SLC12A8: variants seen among roughly 807,000 people sequenced by gnomAD.
SLC12A8 encodes the protein solute carrier family 12 member 8.
SLC12A8 carries 69 observed loss-of-function variants against 75.6 expected under a neutral mutation model. The ratio of observed to expected loss-of-function variants is 0.91; its 90% CI spans 0.75 to 1.11. SLC12A8 has a LOEUF of 1.11. Ranked by LOEUF, SLC12A8 falls within the 50% of genes most tolerant of loss-of-function variation. SLC12A8 has a pLI of 0.00. For missense variants in SLC12A8, 877 were observed against 896.7 expected (o/e 0.98, Z 0.28); for synonymous variants, 365 against 372.8 (o/e 0.98, Z 0.24).
intron 8 of SLC12A8, 39 bp downstream of exon 8, chr3:125,118,730 G>T (rs73191221): frequency 6.7e-7 from 1 of 1,492,010 alleles, no homozygotes; most frequent in Non-Finnish European, 9.3e-7. Context: ...AAATGACTCC[G>T]GCAGACTGAG....
At chr3:125,143,994 A>C (rs920012493) in intron 5 of SLC12A8, among the ~76,000 whole-genome samples, 11 of 152,260 alleles carry the variant, frequency 7.2e-5, no homozygotes, top group Non-Finnish European at 1.2e-4. Context: ...CCATCTGCTA[A>C]CACGGGCTCT....
At chr3:125,169,673 T>A (rs1033953039) in intron 5 of SLC12A8, among the ~76,000 whole-genome samples, 2 of 152,116 alleles carry the variant, frequency 1.3e-5, no homozygotes, top group African/African-American at 4.8e-5. Flanking sequence ...TGGCAGGAGA[T>A]GAGAGAATTC....
intron 5 of SLC12A8, among the ~76,000 whole-genome samples, chr3:125,160,789 G>A (rs1287895593): frequency 6.6e-6 from 1 of 152,202 alleles, no homozygotes; most frequent in African/African-American, 2.4e-5. Flanking sequence ...ACAGATGTGA[G>A]TGAGGACTCA....
At chr3:125,192,807 A>G (rs1039324179) in intron 2 of SLC12A8, 1 of 154,486 alleles carries the variant, frequency 6.5e-6, no homozygotes, top group Non-Finnish European at 1.5e-5. Context: ...ACAAAAAACT[A>G]TAACTCAGTC....
At chr3:125,185,474 A>C (rs756588631) in intron 4 of SLC12A8, among the ~76,000 whole-genome samples, 3 of 152,160 alleles carry the variant, frequency 2.0e-5, no homozygotes, top group Non-Finnish European at 4.4e-5. Context: ...TCCATTAGTA[A>C]CCAAAAAACT....
intron 8 of SLC12A8, 45 bp downstream of exon 8, chr3:125,118,724 G>T (rs1394039520): frequency 5.6e-6 from 8 of 1,438,844 alleles, no homozygotes; most frequent in South Asian, 1.2e-5. Context: ...ACAAATAAAT[G>T]ACTCCGGCAG....
At chr3:125,211,212 C>G in intron 2 of SLC12A8, 87 bp downstream of exon 2, 1 of 1,053,810 alleles carries the variant, frequency 9.5e-7, no homozygotes, top group Non-Finnish European at 1.5e-6. Context: ...CTAAAGGGTG[C>G]GCTGTAATGT....
At chr3:125,147,582 G>C (rs2175756) in intron 5 of SLC12A8, among the ~76,000 whole-genome samples, 39,135 of 152,046 alleles carry the variant, frequency 0.26, 5,860 homozygotes, top group Middle Eastern at 0.36. Context: ...CTCCTCATCC[G>C]CAGGTGGCTG....
chr3:125,083,785 T>C lies in SLC12A8; in HGVS notation c.*105A>G. 2.8e-6 allele frequency: 3 copies of C among 1,068,338 alleles called. No individual in the cohort carries two copies. The highest frequency in any genetic ancestry group is 4.0e-6 in the Non-Finnish European group (3 of 755,612). 66.2% of individuals were successfully genotyped at this position (1,068,338 alleles called of 1,614,324 possible). A position where few individuals can be genotyped will look rare whatever the true frequency, so the allele number is the denominator to read the frequency against. ...ATTGTCCAAAGTGACAGCGGGAGGA[T>C]GGGTCTTGAGTTTCTCAGGTTGGAG... On this transcript the variant is annotated 3_prime_UTR_variant, in exon 14 of 14. Transcript: ENST00000469902.
At chr3:125,152,467 C>A (rs1230021875) in intron 5 of SLC12A8, among the ~76,000 whole-genome samples, 1 of 152,208 alleles carries the variant, frequency 6.6e-6, no homozygotes, top group Admixed American at 6.5e-5. Flanking sequence ...AGTGTCATAT[C>A]TTTAAAAGTC....
intron 5 of SLC12A8, among the ~76,000 whole-genome samples, chr3:125,177,392 G>A (rs1037343625): frequency 3.3e-5 from 5 of 151,512 alleles, no homozygotes; most frequent in African/African-American, 1.2e-4. Context: ...GTTAATGGGA[G>A]CAGCACACCA....
intron 10 of SLC12A8, among the ~76,000 whole-genome samples, chr3:125,097,137 C>T (rs1206544458): frequency 6.6e-6 from 1 of 152,134 alleles, no homozygotes; most frequent in Non-Finnish European, 1.5e-5. Flanking sequence ...GTAATCCCAG[C>T]ACTTTGCGAG....
intron 6 of SLC12A8, among the ~76,000 whole-genome samples, chr3:125,128,478 CCTTTT>C (rs1933271733): frequency 8.3e-6 from 1 of 121,034 alleles, no homozygotes; most frequent in Non-Finnish European, 1.6e-5. Context: ...CCGCGCCCGG[CCTTTT>C]TTTTTTTTTT....
chr3:125,209,763 C>T (rs552664474), intron 2 of SLC12A8, among the ~76,000 whole-genome samples: 1 of 152,296 alleles, frequency 6.6e-6, no homozygotes, highest in East Asian at 1.9e-4. Flanking sequence ...CACGGAGGGC[C>T]CTGGCGGCCA....
At chr3:125,209,308 GTTA>G (rs2107807307) in intron 2 of SLC12A8, among the ~76,000 whole-genome samples, 1 of 152,332 alleles carries the variant, frequency 6.6e-6, no homozygotes, top group East Asian at 1.9e-4. Context: ...CAGTGCTACA[GTTA>G]TTCTTGTGTC....
intron 6 of SLC12A8, among the ~76,000 whole-genome samples, chr3:125,122,610 A>G (rs1165837570): frequency 6.6e-6 from 1 of 152,244 alleles, no homozygotes; most frequent in African/African-American, 2.4e-5. Context: ...CAAGATCTCA[A>G]TACACTGAGG....
intron 2 of SLC12A8, chr3:125,192,565 T>G (rs1035211583): frequency 3.9e-5 from 6 of 154,412 alleles, no homozygotes; most frequent in African/African-American, 1.4e-4. Flanking sequence ...TGAAGGCTGG[T>G]TTGCATATGC....
At chr3:125,165,667 C>T (rs985527965) in intron 5 of SLC12A8, among the ~76,000 whole-genome samples, 8 of 152,204 alleles carry the variant, frequency 5.3e-5, no homozygotes, top group African/African-American at 1.4e-4. Context: ...CATCCTCACC[C>T]GTCCGGGCAG....
At chr3:125,165,224 A>T (rs1196266917) in intron 5 of SLC12A8, among the ~76,000 whole-genome samples, 2 of 152,194 alleles carry the variant, frequency 1.3e-5, no homozygotes, top group East Asian at 3.9e-4. Flanking sequence ...GAATGCCAGG[A>T]TCCCACAGCC....
Sources: gnomAD v4.1 joint callset for allele counts (sites outside exome capture counted in the v4.1 genomes callset) on GRCh38, gnomAD v4.1.1 for gene constraint, MANE v1.5 for transcripts, NCBI Gene and HGNC (gene_info 2026-07-23, HGNC 2026-07-21) for gene names.